Variants in ANKRD36 observed in about 807,000 individuals in gnomAD.
ANKRD36 encodes the protein ankyrin repeat domain-containing protein 36A.
In ANKRD36, 179 loss-of-function variants were observed where a neutral mutation model predicts 278.1. The ratio of observed to expected loss-of-function variants is 0.64; its 90% CI spans 0.57 to 0.73. The LOEUF (loss-of-function observed/expected upper bound fraction) is 0.73, where lower values mean the gene tolerates loss of function less well. ANKRD36 is among the 30% of genes least tolerant of loss of function. ANKRD36 has a pLI of 0.00. For synonymous variants in ANKRD36, 320 were observed against 641.1 expected (o/e 0.50, Z 7.57); for missense variants, 1,159 against 1,956.7 (o/e 0.59, Z 7.69).
chr2:97,233,009 T>TAAA (rs796667881), intron 67 of ANKRD36, among the ~76,000 whole-genome samples: 1 of 144,544 alleles, frequency 6.9e-6, no homozygotes, highest in Non-Finnish European at 1.5e-5. Context: ...GCATGTGATT[T>TAAA]AAAAAAAAAA....
intron 66 of ANKRD36, among the ~76,000 whole-genome samples, chr2:97,220,789 T>TTTTTA (rs2067376044): frequency 1.7e-4 from 22 of 127,108 alleles, no homozygotes; most frequent in South Asian, 4.1e-4. Flanking sequence ...TTTTTTTTTT[T>TTTTTA]ATTATACTCT....
At chr2:97,161,724 C>G (rs1279664338) in intron 17 of ANKRD36, among the ~76,000 whole-genome samples, 1 of 139,356 alleles carries the variant, frequency 7.2e-6, no homozygotes, top group South Asian at 2.4e-4. Context: ...TATGCTGTTT[C>G]ATTTTTTTGC....
chr2:97,206,103 G>A lies in ANKRD36; in HGVS notation c.3131G>A (p.Arg1044Lys), dbSNP rs751019446. The change falls in exon 52 of 76, where the codon AGA (arginine) becomes AAA (lysine). Residue 1044 changes from arginine to lysine, a missense_variant. Physicochemically the swap from Arg to Lys is conservative, Grantham distance 26. Coordinates refer to ENST00000420699, the MANE Select transcript of ANKRD36 (RefSeq NM_001354587.1). ...DEEDSVLSIA[R>K]ENKDGEKSRT... is the part of the protein sequence containing the mutation. ...GAAGATTCTGTTTTGAGTATAGCCA[G>A]AGAAAACAAGGATGGAGAAAAATCT... 6.5e-7 allele frequency: 1 copy of A among 1,547,808 alleles called. No individual in the cohort carries two copies. Among genetic ancestry groups the A allele is most frequent in the South Asian group, 1.2e-5 (1 of 84,100 alleles).
intron 52 of ANKRD36, among the ~76,000 whole-genome samples, chr2:97,207,224 A>G (rs867751888): frequency 6.6e-6 from 1 of 151,486 alleles, no homozygotes; most frequent in East Asian, 1.9e-4. Flanking sequence ...TTATTGCACC[A>G]TATGGGGGTG....
intron 6 of ANKRD36, among the ~76,000 whole-genome samples, chr2:97,139,717 CTGTGTTGAT>C (rs2042388771): frequency 6.6e-6 from 1 of 152,088 alleles, no homozygotes; most frequent in African/African-American, 2.4e-5. Flanking sequence ...TCTCCCATGG[CTGTGTTGAT>C]TGCAACTGTT....
rs560032665 is a variant in ANKRD36 at position 97,200,277 on chromosome 2, A to G, written c.2756-57A>G. ...GTTGATGCTAACACTGTGTGAATCTATGGATAATTTTATCATGTTTACATG... is the reference window on the plus strand; with the variant it reads ...GTTGATGCTAACACTGTGTGAATCTGTGGATAATTTTATCATGTTTACATG... On this transcript the variant is annotated intron_variant, in intron 44 of 75. Transcript: ENST00000420699. 31 of 1,605,960 alleles carry G rather than the reference A, an allele frequency of 1.9e-5. No individual in the cohort carries two copies. In the African/African-American group the frequency reaches 3.3e-4, roughly 17 times the overall value.
At position 97,113,915 on chromosome 2, in the gene ANKRD36, A is replaced by G. The variant is rs753908837; in HGVS notation, c.176A>G (p.Asn59Ser). ...CTTCTGCTCACGTATTATGACGCCA[A>G]TAAGAGAGACAGGAAGGAAAGGTAA... ...KYLLLTYYDA[N>S]KRDRKERTAL... Residue 59 changes from asparagine to serine, a missense_variant, in exon 1 of 76, where the codon AAT (asparagine) becomes AGT (serine). Physicochemically the swap from Asn to Ser is conservative, Grantham distance 46. Coordinates refer to ENST00000420699, the MANE Select transcript of ANKRD36 (RefSeq NM_001354587.1). 6.2e-7 allele frequency: 1 copy of G among 1,612,806 alleles called. No individual in the cohort carries two copies. The highest frequency in any genetic ancestry group is 8.5e-7 in the Non-Finnish European group (1 of 1,179,878).
intron 40 of ANKRD36, among the ~76,000 whole-genome samples, chr2:97,195,913 C>A (rs1326459396): frequency 3.3e-5 from 5 of 151,918 alleles, no homozygotes; most frequent in African/African-American, 1.2e-4. Flanking sequence ...TTTATTGAGG[C>A]TAATATATTA....
At chr2:97,145,057 C>T (rs1414706930) in intron 10 of ANKRD36, among the ~76,000 whole-genome samples, 1 of 151,898 alleles carries the variant, frequency 6.6e-6, no homozygotes, top group Non-Finnish European at 1.5e-5. Context: ...AAATTATAGG[C>T]GCCTGATCAC....
chr2:97,188,992 C>T (rs1241959036), intron 32 of ANKRD36, 95 bp from the exon 33 acceptor site: 3 of 624,510 alleles, frequency 4.8e-6, no homozygotes, highest in East Asian at 5.3e-5. Context: ...CTAGTACAGG[C>T]AGAAGGATAC....
chr2:97,201,766 TG>T (rs2061438450), intron 46 of ANKRD36, among the ~76,000 whole-genome samples: 1 of 151,898 alleles, frequency 6.6e-6, no homozygotes, highest in Admixed American at 6.6e-5. Flanking sequence ...TTATTGGGCA[TG>T]TTAAAGAGCA....
intron 42 of ANKRD36, 84 bp downstream of exon 42, chr2:97,196,872 A>T (rs1452654344): frequency 6.6e-7 from 1 of 1,522,900 alleles, no homozygotes. Flanking sequence ...CGGGGGGCTC[A>T]TCGAAGCTGC....
intron 6 of ANKRD36, among the ~76,000 whole-genome samples, chr2:97,129,103 C>G (rs2039390502): frequency 6.6e-6 from 1 of 152,026 alleles, no homozygotes; most frequent in South Asian, 2.1e-4. Context: ...TAAAAGTGTT[C>G]CTATTTCTCC....
At chr2:97,200,131 G>A (rs1346240473) in intron 44 of ANKRD36, among the ~76,000 whole-genome samples, 1 of 151,852 alleles carries the variant, frequency 6.6e-6, no homozygotes, top group Non-Finnish European at 1.5e-5. Context: ...GTTTGAAATC[G>A]TAAGGGTGTA....
intron 67 of ANKRD36, among the ~76,000 whole-genome samples, chr2:97,226,548 G>T (rs1407613320): frequency 6.6e-6 from 1 of 151,070 alleles, no homozygotes; most frequent in African/African-American, 2.4e-5. Context: ...TGAGTAGGTT[G>T]CGAAAATTTT....
intron 6 of ANKRD36, among the ~76,000 whole-genome samples, chr2:97,134,201 G>A (rs1425808378): frequency 6.6e-6 from 1 of 152,036 alleles, no homozygotes; most frequent in African/African-American, 2.4e-5. Context: ...TTCCAAGATA[G>A]TTGAATGTAT....
intron 24 of ANKRD36, 118 bp from the exon 25 acceptor site, chr2:97,181,480 A>G (rs1458162807): frequency 7.3e-7 from 1 of 1,364,720 alleles, no homozygotes; most frequent in African/African-American, 1.5e-5. Context: ...AGTAGAAAAC[A>G]TCAAAGCCTA....
At chr2:97,202,144 T>G in intron 46 of ANKRD36, 58 bp from the exon 47 acceptor site, 2 of 1,603,484 alleles carry the variant, frequency 1.2e-6, no homozygotes, top group Non-Finnish European at 1.7e-6. Context: ...TGCTCGAATG[T>G]ATGGAAATCT....
chr2:97,195,320 G>A (rs1321170945), intron 40 of ANKRD36, among the ~76,000 whole-genome samples: 3 of 151,972 alleles, frequency 2.0e-5, no homozygotes, highest in African/African-American at 7.2e-5. Context: ...AGACACTGTA[G>A]AAGGAGAACT....
Sources: gnomAD v4.1 joint callset for allele counts (sites outside exome capture counted in the v4.1 genomes callset) on GRCh38, gnomAD v4.1.1 for gene constraint, MANE v1.5 for transcripts, NCBI Gene and HGNC (gene_info 2026-07-23, HGNC 2026-07-21) for gene names.